NSD2: variants seen among roughly 807,000 people sequenced by gnomAD.
NSD2 encodes the protein histone-lysine N-methyltransferase NSD2.
In NSD2, 12 loss-of-function variants were observed where a neutral mutation model predicts 139.0. The ratio of observed to expected loss-of-function variants is 0.09; its 90% CI spans 0.06 to 0.14. The LOEUF (loss-of-function observed/expected upper bound fraction) is 0.14. NSD2 is among the 10% of genes least tolerant of loss of function. The pLI is 1.00. For missense variants in NSD2, 1,155 were observed against 1,745.0 expected (o/e 0.66, Z 6.02); for synonymous variants, 669 against 648.7 (o/e 1.03, Z -0.48).
At position 1,978,623 on chromosome 4, in the gene NSD2, T is replaced by C. The variant is rs1338291940; in HGVS notation, c.3827-15T>C. ...CCATCACTTCTGTGTGCTCACATCTTGTGTTCTGTTGCAGGGAAGTGGGAA... is the reference window on the plus strand; with the variant it reads ...CCATCACTTCTGTGTGCTCACATCTCGTGTTCTGTTGCAGGGAAGTGGGAA... On this transcript the variant is annotated splice_polypyrimidine_tract_variant and intron_variant, in intron 21 of 21. Transcript: ENST00000508803. 7.5e-6 allele frequency: 12 copies of C among 1,594,006 alleles called. No individual in the cohort carries two copies. The highest frequency in any genetic ancestry group is 1.0e-5 in the Non-Finnish European group (12 of 1,165,572).
At position 1,955,385 on chromosome 4, in the gene NSD2, C is replaced by T. The variant is rs769373851; in HGVS notation, c.2518+45C>T. 6.4e-7 allele frequency: 1 copy of T among 1,568,530 alleles called. No homozygotes were observed. The highest frequency in any genetic ancestry group is 8.7e-7 in the Non-Finnish European group (1 of 1,153,762). On this transcript the variant is annotated intron_variant, in intron 13 of 21. Coordinates refer to ENST00000508803, the MANE Select transcript of NSD2 (RefSeq NM_001042424.3). This position sits in a 1 kb window ranked among gnomAD's most constrained non-coding sequence, Gnocchi z 4.7. Reference sequence around the variant, plus strand: ...CTGCGGCACACGCCTCTCACACTCCCAGGAGCCACATATCAAGGCAGGCTC... The same window carrying T: ...CTGCGGCACACGCCTCTCACACTCCTAGGAGCCACATATCAAGGCAGGCTC...
chr4:1,975,813 T>C (rs978913411), intron 20 of NSD2, among the ~76,000 whole-genome samples: 13 of 152,216 alleles, frequency 8.5e-5, no homozygotes, highest in African/African-American at 2.9e-4. Context: ...GCCCTTCTTA[T>C]AAGAGCACTG....
Position 1,972,921 on chromosome 4 carries a change from C to T in NSD2, c.3373-1942C>T, listed in dbSNP as rs1012501770. ...AGGCTGGAGTTCAGTGGCACAATCT[C>T]AGCTCACTGCACCCTCTGCCTCACA... On this transcript the variant is annotated intron_variant, in intron 18 of 21. Coordinates refer to ENST00000508803, the MANE Select transcript of NSD2 (RefSeq NM_001042424.3). This position sits in a 1 kb window ranked among gnomAD's most constrained non-coding sequence, Gnocchi z 4.0. Among the ~76,000 whole-genome samples, 4 of 152,110 alleles carry T rather than the reference C, an allele frequency of 2.6e-5. No individual in the cohort carries two copies. Among genetic ancestry groups the T allele is most frequent in the Admixed American group, 1.3e-4 (2 of 15,272 alleles).
chr4:1,888,063 T>A (rs1715247774), intron 1 of NSD2, among the ~76,000 whole-genome samples: 1 of 152,166 alleles, frequency 6.6e-6, no homozygotes, highest in African/African-American at 2.4e-5. Flanking sequence ...TTTACCTTCA[T>A]GTTTGGTGAT....
chr4:1,920,840 C>T (rs909324731), intron 5 of NSD2, among the ~76,000 whole-genome samples: 7 of 151,598 alleles, frequency 4.6e-5, no homozygotes, highest in Admixed American at 1.3e-4. Flanking sequence ...TTGAGACCAG[C>T]CTGGGCAACA....
At chr4:1,950,884 A>C (rs1724146525) in intron 9 of NSD2, among the ~76,000 whole-genome samples, 188 bp from the exon 10 acceptor site, 1 of 151,424 alleles carries the variant, frequency 6.6e-6, no homozygotes, top group Admixed American at 6.6e-5. Flanking sequence ...ACATAGCCTA[A>C]TTGACGGGTT....
intron 9 of NSD2, chr4:1,946,024 T>C (rs1723590603): frequency 3.9e-6 from 4 of 1,038,862 alleles, no homozygotes; most frequent in Non-Finnish European, 4.6e-6. Flanking sequence ...AGTGTGAAAA[T>C]GTAACATTTT....
chr4:1,880,645 A>G (rs926777001), intron 1 of NSD2, among the ~76,000 whole-genome samples: 1 of 152,110 alleles, frequency 6.6e-6, no homozygotes, highest in African/African-American at 2.4e-5. Context: ...GAGTCCAGTC[A>G]AGCTCCTATG....
intron 18 of NSD2, among the ~76,000 whole-genome samples, chr4:1,964,631 C>T (rs528683284): frequency 1.3e-5 from 2 of 151,846 alleles, no homozygotes; most frequent in East Asian, 2.0e-4. Context: ...AGGTGCGCTG[C>T]GCTGCCGTTG....
At chr4:1,921,739 G>A (rs986017548) in intron 5 of NSD2, among the ~76,000 whole-genome samples, 14 of 140,892 alleles carry the variant, frequency 9.9e-5, no homozygotes, top group African/African-American at 3.5e-4. Context: ...CCAAAATCAC[G>A]CCAATGCACT....
intron 1 of NSD2, among the ~76,000 whole-genome samples, chr4:1,876,508 T>C (rs949211581): frequency 6.6e-6 from 1 of 151,952 alleles, no homozygotes; most frequent in African/African-American, 2.4e-5. Context: ...TTGGGCAACA[T>C]AGGGAGACCC....
At chr4:1,962,453 C>T (rs1577554449) in intron 18 of NSD2, among the ~76,000 whole-genome samples, 1 of 152,092 alleles carries the variant, frequency 6.6e-6, no homozygotes, top group South Asian at 2.1e-4. Context: ...TGTGGCTGCG[C>T]AAGAGAATGA....
At chr4:1,953,667 T>G in intron 12 of NSD2, 143 bp downstream of exon 12, 1 of 1,105,028 alleles carries the variant, frequency 9.0e-7, no homozygotes. Context: ...TCGGCTGGGT[T>G]GGGTTTTCTT....
Position 1,901,085 on chromosome 4 carries a change from G to A in NSD2, c.431G>A (p.Cys144Tyr), listed in dbSNP as rs373286964. The change falls in exon 2 of 22, where the codon TGT (cysteine) becomes TAT (tyrosine). Residue 144 changes from cysteine (C) to tyrosine (Y), a missense_variant. This residue lies in a region of NSD2 where 246 missense variants were observed against 262.8 expected (regional missense o/e 0.94). Transcript: ENST00000508803. Reference protein sequence around the residue: ...NGKPLFESSICGDSAADVSQS... With the variant: ...NGKPLFESSIYGDSAADVSQS... ...AAGCCTCTCTTTGAATCTTCCATTTGTGGTGACAGTGCTGCTGATGTGTCT... is the reference window on the plus strand; with the variant it reads ...AAGCCTCTCTTTGAATCTTCCATTTATGGTGACAGTGCTGCTGATGTGTCT... 1 of 1,614,062 alleles carries A rather than the reference G, an allele frequency of 6.2e-7. No individual in the cohort carries two copies. The highest frequency in any genetic ancestry group is 1.3e-5 in the African/African-American group (1 of 74,928).
In NSD2 at chr4:1,945,229, G is replaced by C. The variant is rs1034307592; in HGVS notation, c.1881+5451G>C. ...CTCAGGGACTGGGGAACAAGACGGGGTGGGGTGGGGAGATGGGCATTTGGA... is the reference window on the plus strand; with the variant it reads ...CTCAGGGACTGGGGAACAAGACGGGCTGGGGTGGGGAGATGGGCATTTGGA... On this transcript the variant is annotated intron_variant, in intron 9 of 21. Transcript: ENST00000508803. 4.7e-6 allele frequency: 5 copies of C among 1,066,708 alleles called. No individual in the cohort carries two copies. The East Asian group carries it at 2.0e-4, about 42-fold the overall frequency. The allele number at this position is 1,066,708 out of a possible 1,614,324, so 66.1% of individuals were successfully genotyped here. A position where few individuals can be genotyped will look rare whatever the true frequency, so the allele number is the denominator to read the frequency against.
intron 9 of NSD2, chr4:1,945,362 G>T (rs1723512490): frequency 3.8e-6 from 4 of 1,064,916 alleles, no homozygotes; most frequent in East Asian, 1.0e-4. Context: ...CTCCTGTGCT[G>T]CCCTGGCCCT....
rs912219117 is a variant in NSD2, at chr4:1,943,339, A to G, written c.1881+3561A>G. 2.9e-6 allele frequency: 3 copies of G among 1,042,404 alleles called. No homozygotes were observed. In the African/African-American group the frequency reaches 5.0e-5, roughly 17 times the overall value. The allele number at this position is 1,042,404 out of a possible 1,614,324, so 64.6% of individuals were successfully genotyped here. On this transcript the variant is annotated intron_variant, in intron 9 of 21. Coordinates refer to ENST00000508803, the MANE Select transcript of NSD2 (RefSeq NM_001042424.3). ...ATATTTTGTTGTAAACCATTAAGTA[A>G]TGTAACGCATGTAAGATGCTTAGGG...
At chr4:1,882,730 C>G (rs1296453171) in intron 1 of NSD2, among the ~76,000 whole-genome samples, 1 of 152,206 alleles carries the variant, frequency 6.6e-6, no homozygotes, top group Non-Finnish European at 1.5e-5. Context: ...GGGCTTGTTA[C>G]TGTACCATAA....
intron 9 of NSD2, chr4:1,944,902 T>C: frequency 2.8e-6 from 3 of 1,063,350 alleles, no homozygotes; most frequent in Non-Finnish European, 3.4e-6. Context: ...CTTATACCTG[T>C]ATCTCCCAAC....
Sources: allele counts gnomAD v4.1 joint callset (sites outside exome capture counted in the v4.1 genomes callset), GRCh38; gene constraint gnomAD v4.1.1; regional missense constraint gnomAD v4.1.1; non-coding constraint Gnocchi (gnomAD v3.1); transcripts MANE v1.5; gene names NCBI Gene and HGNC (gene_info 2026-07-23, HGNC 2026-07-21).